Variants in CTNNA2 observed in about 807,000 individuals in gnomAD.
CTNNA2 encodes catenin alpha 2.
CTNNA2 carries 42 observed loss-of-function variants against 101.0 expected under a neutral mutation model. That is an observed-to-expected ratio of 0.42 (90% CI 0.32 to 0.54). CTNNA2 has a LOEUF of 0.54. CTNNA2 is among the 20% of genes least tolerant of loss of function. CTNNA2 has a pLI of 0.14. For synonymous variants in CTNNA2, 450 were observed against 456.4 expected, an observed-to-expected ratio of 0.99 and a Z score of 0.18; for missense variants, 871 against 1,223.1, an observed-to-expected ratio of 0.71 and a Z score of 4.29.
intron 7 of CTNNA2, among the ~76,000 whole-genome samples, chr2:80,390,863 G>A (rs1479436032): frequency 6.6e-6 from 1 of 152,032 alleles, no homozygotes; most frequent in Non-Finnish European, 1.5e-5. Context: ...CGGGCGTGGT[G>A]GCTCATGCCT....
chr2:80,105,562 A>G (rs545988339), intron 7 of CTNNA2, among the ~76,000 whole-genome samples: 19 of 152,176 alleles, frequency 1.2e-4, no homozygotes, highest in Non-Finnish European at 2.1e-4. Context: ...CATCTCTACA[A>G]AGAATAACAA....
At chr2:79,925,068 T>G (rs995527731) in intron 7 of CTNNA2, among the ~76,000 whole-genome samples, 2 of 152,094 alleles carry the variant, frequency 1.3e-5, no homozygotes, top group African/African-American at 4.8e-5. Context: ...TCCAATGTTA[T>G]TATCTCAACC....
intron 8 of CTNNA2, among the ~76,000 whole-genome samples, chr2:80,416,636 T>C (rs555569923): frequency 1.3e-5 from 2 of 152,120 alleles, no homozygotes; most frequent in African/African-American, 2.4e-5. Flanking sequence ...CTATTCCCTT[T>C]CTCATCCCCT....
At chr2:80,403,929 T>C (rs1466745511) in intron 8 of CTNNA2, among the ~76,000 whole-genome samples, 1 of 152,266 alleles carries the variant, frequency 6.6e-6, no homozygotes, top group Non-Finnish European at 1.5e-5. Context: ...TTGTGTATGT[T>C]GAACCAGCCT....
chr2:80,206,412 G>T (rs2149027649), intron 7 of CTNNA2, among the ~76,000 whole-genome samples: 1 of 152,288 alleles, frequency 6.6e-6, no homozygotes, highest in East Asian at 1.9e-4. Flanking sequence ...CTGAATATAT[G>T]ACTTGCACAT....
intron 1 of CTNNA2, among the ~76,000 whole-genome samples, chr2:79,583,135 G>T (rs1676251152): frequency 6.6e-6 from 1 of 151,798 alleles, no homozygotes. Context: ...CTAGTCATCA[G>T]TTGATGAACT....
chr2:79,214,446 G>C (rs534019389), intron 2 of CTNNA2, among the ~76,000 whole-genome samples: 33 of 152,302 alleles, frequency 2.2e-4, no homozygotes, highest in Non-Finnish European at 1.6e-4. Context: ...TCTGGTTCTA[G>C]GACAGGTAAA....
chr2:80,619,764 T>G (rs1462923975), intron 18 of CTNNA2, among the ~76,000 whole-genome samples: 3 of 151,930 alleles, frequency 2.0e-5, no homozygotes, highest in African/African-American at 7.2e-5. Flanking sequence ...GTTCATTTTT[T>G]GAAAAAAGTT....
At position 79,612,104 on chromosome 2, in the gene CTNNA2, A is replaced by T. The variant is rs565979406; in HGVS notation, c.-5-39448A>T. ...TCCACTATGCCAATGTTGTGAGCTT[A>T]GCAACTGTTTGATTATTTCAAAAAC... On this transcript the variant is annotated intron_variant, in intron 1 of 18. Transcript: ENST00000402739. Among the ~76,000 whole-genome samples the T allele has an allele frequency of 5.3e-5, 8 of 152,302 alleles. No individual in the cohort carries two copies. In the South Asian group the frequency reaches 8.3e-4, roughly 16 times the overall value.
At chr2:79,469,725 A>G (rs1348760089) in intron 4 of CTNNA2, among the ~76,000 whole-genome samples, 1 of 152,216 alleles carries the variant, frequency 6.6e-6, no homozygotes, top group Non-Finnish European at 1.5e-5. Context: ...CTGGTTCAAC[A>G]TATGCAAATC....
chr2:79,837,622 A>G lies in CTNNA2; in HGVS notation c.299-20391A>G, dbSNP rs544045174. Among the ~76,000 whole-genome samples, 496 of 152,216 alleles carry G rather than the reference A, an allele frequency of 3.3e-3. 1 individual carries two copies. The highest frequency in any genetic ancestry group is 4.9e-3 in the Admixed American group (75 of 15,288). ...ATCGTTGATTTTTTTTTTCAGGTACATATGTGGAGAGGTGTCAGCGAAAAC... is the reference window on the plus strand; with the variant it reads ...ATCGTTGATTTTTTTTTTCAGGTACGTATGTGGAGAGGTGTCAGCGAAAAC... On this transcript the variant is annotated intron_variant, in intron 3 of 18. Coordinates refer to ENST00000402739, the MANE Select transcript of CTNNA2 (RefSeq NM_001282597.3).
At chr2:80,547,023 C>T (rs975447379) in intron 11 of CTNNA2, among the ~76,000 whole-genome samples, 2 of 152,202 alleles carry the variant, frequency 1.3e-5, no homozygotes, top group Non-Finnish European at 2.9e-5. Flanking sequence ...GACATTGCAT[C>T]ACTGTTGGTG....
intron 9 of CTNNA2, among the ~76,000 whole-genome samples, chr2:80,533,065 AT>A (rs1480095443): frequency 2.6e-5 from 4 of 152,182 alleles, no homozygotes; most frequent in African/African-American, 9.6e-5. Context: ...AGATGTGGAA[AT>A]TTAGTTGAAG....
intron 9 of CTNNA2, among the ~76,000 whole-genome samples, chr2:80,538,077 GT>G (rs906707736): frequency 9.6e-5 from 14 of 145,312 alleles, no homozygotes; most frequent in African/African-American, 4.0e-4. Context: ...TGATAGGGTT[GT>G]TTTTTTCTTG....
chr2:79,888,733 TG>T (rs1397726107), intron 6 of CTNNA2, among the ~76,000 whole-genome samples: 1 of 152,208 alleles, frequency 6.6e-6, no homozygotes, highest in Non-Finnish European at 1.5e-5. Flanking sequence ...CTAGTGTGAC[TG>T]ATTTTTGCTT....
chr2:79,361,107 G>A (rs1207658702), intron 3 of CTNNA2, among the ~76,000 whole-genome samples: 2 of 151,978 alleles, frequency 1.3e-5, no homozygotes, highest in African/African-American at 2.4e-5. Context: ...TTACTTTCTT[G>A]GGAAGATCAT....
chr2:79,809,549 G>A (rs1346509223), intron 3 of CTNNA2, among the ~76,000 whole-genome samples: 1 of 152,140 alleles, frequency 6.6e-6, no homozygotes, highest in African/African-American at 2.4e-5. Flanking sequence ...GTGATGGTGA[G>A]CTTTTTTTCA....
chr2:80,085,420 C>A (rs1346533775), intron 7 of CTNNA2, among the ~76,000 whole-genome samples: 2 of 151,988 alleles, frequency 1.3e-5, no homozygotes, highest in African/African-American at 4.8e-5. Context: ...CAAATCTTAA[C>A]CATGGTGCAA....
chr2:79,517,949 G>T (rs1382897030), intron 1 of CTNNA2, among the ~76,000 whole-genome samples: 1 of 152,132 alleles, frequency 6.6e-6, no homozygotes. Context: ...CATACGTGAG[G>T]GTGGTGACCA....
Sources: allele counts gnomAD v4.1 joint callset (sites outside exome capture counted in the v4.1 genomes callset), GRCh38; gene constraint gnomAD v4.1.1; transcripts MANE v1.5; gene names NCBI Gene and HGNC (gene_info 2026-07-23, HGNC 2026-07-21).